Variants in ABR observed in about 807,000 individuals in gnomAD.
The protein encoded by ABR is active breakpoint cluster region-related protein.
A neutral mutation model predicts 107.2 loss-of-function variants in ABR; 35 were observed. That is an observed-to-expected ratio of 0.33 (90% CI 0.25 to 0.43). The LOEUF (loss-of-function observed/expected upper bound fraction) is 0.43. Among genes scored for constraint, ABR ranks in the 20% least tolerant of loss-of-function variants. The pLI is 1.00. For missense variants in ABR, 815 were observed against 1,115.2 expected (o/e 0.73, Z 3.83); for synonymous variants, 498 against 462.0 (o/e 1.08, Z -1.00).
chr17:1,044,335 G>C (rs527542997), intron 16 of ABR, among the ~76,000 whole-genome samples: 4 of 152,296 alleles, frequency 2.6e-5, no homozygotes, highest in Non-Finnish European at 5.9e-5. Flanking sequence ...CGGAAAACAG[G>C]ATTGGATTAA....
At chr17:1,211,648 G>A (rs1046053913) in intron 1 of ABR, among the ~76,000 whole-genome samples, 3 of 152,160 alleles carry the variant, frequency 2.0e-5, no homozygotes, top group Admixed American at 6.6e-5. Flanking sequence ...GTGAAATAAC[G>A]TTTTTAAATC....
intron 1 of ABR, among the ~76,000 whole-genome samples, chr17:1,208,847 C>G (rs142227216): frequency 0.046 from 6,879 of 149,504 alleles, 431 homozygotes; most frequent in African/African-American, 0.15. Context: ...GAGATCATGC[C>G]ACTGCGCTCC....
Position 1,092,225 on chromosome 17 carries a change from T to G in ABR, c.346-375A>C, listed in dbSNP as rs967129393. On this transcript the variant is annotated intron_variant, in intron 3 of 22. Coordinates refer to ENST00000302538, the MANE Select transcript of ABR (RefSeq NM_021962.5). This position sits in a 1 kb window ranked among gnomAD's most constrained non-coding sequence, Gnocchi z 4.6. ...GTCACACTTCAGTGGAAGGGAGGGT[T>G]GACAGGGAACTCAAGCCTATAGCTG... Among the ~76,000 whole-genome samples, 1 of 152,174 alleles carries G rather than the reference T, an allele frequency of 6.6e-6. No homozygotes were observed. The highest frequency in any genetic ancestry group is 6.5e-5 in the Admixed American group (1 of 15,272).
intron 10 of ABR, among the ~76,000 whole-genome samples, chr17:1,060,032 C>CT (rs757103960): frequency 1.3e-5 from 2 of 152,206 alleles, no homozygotes; most frequent in African/African-American, 4.8e-5. Context: ...GACTTGCCTG[C>CT]TAAGAGCGAA....
chr17:1,021,392 G>A (rs1489551096), intron 16 of ABR, among the ~76,000 whole-genome samples: 3 of 152,316 alleles, frequency 2.0e-5, no homozygotes, highest in African/African-American at 7.2e-5. Flanking sequence ...CCCTGCCCTC[G>A]GGGGCCGCCC....
intron 4 of ABR, among the ~76,000 whole-genome samples, chr17:1,089,309 C>T (rs942527180): frequency 1.3e-5 from 2 of 152,216 alleles, no homozygotes; most frequent in African/African-American, 2.4e-5. Context: ...GCTGGGATTA[C>T]AGGCGTCAGC....
chr17:1,038,546 C>T (rs915443755), intron 16 of ABR, among the ~76,000 whole-genome samples: 1 of 152,246 alleles, frequency 6.6e-6, no homozygotes, highest in Non-Finnish European at 1.5e-5. Context: ...GGCAGCTCAG[C>T]ACTTGCCTCC....
rs199542216 is a variant in ABR, at chr17:1,079,322, C to T, written c.700+8G>A. The T allele has an allele frequency of 5.0e-5, 81 of 1,612,842 alleles. No individual in the cohort carries two copies. The highest frequency in any genetic ancestry group is 8.9e-5 in the East Asian group (4 of 44,788). ...GGTGCCTGTAATCCAGCCCGCTCCC[C>T]GAGGTACCTTCCATGGTGACAGACG... is the stretch of plus-strand genomic sequence containing the variant. On this transcript the variant is annotated splice_region_variant and intron_variant, in intron 6 of 22. Coordinates refer to ENST00000302538, the MANE Select transcript of ABR (RefSeq NM_021962.5).
chr17:1,199,888 C>A (rs1598114002), intron 1 of ABR, among the ~76,000 whole-genome samples: 4 of 151,612 alleles, frequency 2.6e-5, no homozygotes, highest in Middle Eastern at 6.8e-3. Context: ...TAGCATTTTC[C>A]AGCTTTTTTT....
intron 16 of ABR, chr17:1,031,936 CT>C: frequency 2.0e-6 from 2 of 1,004,382 alleles, no homozygotes; most frequent in Non-Finnish European, 2.5e-6. Flanking sequence ...CGCATCCCTC[CT>C]TCCCCGCCCT....
At chr17:1,156,426 G>A (rs2151550727) in intron 1 of ABR, among the ~76,000 whole-genome samples, 1 of 152,320 alleles carries the variant, frequency 6.6e-6, no homozygotes, top group East Asian at 1.9e-4. Flanking sequence ...GCTCACGCCT[G>A]CAATGCCAGC....
At chr17:1,030,042 C>T (rs866545144) in intron 16 of ABR, among the ~76,000 whole-genome samples, 102 of 152,300 alleles carry the variant, frequency 6.7e-4, no homozygotes, top group African/African-American at 2.2e-3. Context: ...GCTGCACTGA[C>T]GCCAACTGCT....
intron 2 of ABR, among the ~76,000 whole-genome samples, chr17:1,109,344 A>T (rs2038504502): frequency 6.6e-6 from 1 of 151,720 alleles, no homozygotes; most frequent in African/African-American, 2.4e-5. Flanking sequence ...CCCGCCGCAC[A>T]GCAGCCCAGC....
chr17:1,031,537 C>A (rs2072755927), intron 16 of ABR: 1 of 431,298 alleles, frequency 2.3e-6, no homozygotes, highest in East Asian at 4.3e-5. Flanking sequence ...CCCCGCAGCC[C>A]CCCGAGCCCC....
At chr17:1,066,789 A>G (rs2034788545) in intron 10 of ABR, among the ~76,000 whole-genome samples, 2 of 152,088 alleles carry the variant, frequency 1.3e-5, no homozygotes, top group Admixed American at 1.3e-4. Context: ...TCGGCCTTCC[A>G]AAGTGCTGGG....
At chr17:1,195,174 G>T in intron 1 of ABR, among the ~76,000 whole-genome samples, 1 of 148,142 alleles carries the variant, frequency 6.8e-6, no homozygotes, top group Middle Eastern at 3.5e-3. Context: ...GGGCGCAGTG[G>T]CGGGCGCCTG....
At chr17:1,106,179 A>T (rs963280561) in intron 2 of ABR, among the ~76,000 whole-genome samples, 1 of 127,544 alleles carries the variant, frequency 7.8e-6, no homozygotes, top group African/African-American at 3.0e-5. Context: ...ACTGCAGCCA[A>T]CTTTACCTCT....
chr17:1,103,009 C>A (rs1270680858), intron 2 of ABR, among the ~76,000 whole-genome samples: 1 of 152,092 alleles, frequency 6.6e-6, no homozygotes, highest in Non-Finnish European at 1.5e-5. Flanking sequence ...GGAGCCGGGC[C>A]GAGATCCTTT....
chr17:1,109,147 G>A, intron 2 of ABR: 1 of 1,462,656 alleles, frequency 6.8e-7, no homozygotes, highest in South Asian at 1.4e-5. Context: ...GGGAGGAGGC[G>A]GGCGGGAGGG....
Sources: allele counts gnomAD v4.1 joint callset (sites outside exome capture counted in the v4.1 genomes callset), GRCh38; gene constraint gnomAD v4.1.1; non-coding constraint Gnocchi (gnomAD v3.1); transcripts MANE v1.5; gene names NCBI Gene and HGNC (gene_info 2026-07-23, HGNC 2026-07-21).